CISD2: variants seen among roughly 807,000 people sequenced by gnomAD.
CISD2 encodes CDGSH iron-sulfur domain-containing protein 2.
In CISD2, 1 loss-of-function variant was observed where a neutral mutation model predicts 12.9. The observed-to-expected ratio is 0.08, with a 90% CI of 0.03 to 0.37. The LOEUF is 0.37. Ranked by LOEUF, CISD2 falls within the 10% of genes least tolerant of loss-of-function variation. CISD2 has a pLI of 0.99. For missense variants in CISD2, 97 were observed against 163.1 expected (o/e 0.59, Z 2.21); for synonymous variants, 50 against 60.6 (o/e 0.83, Z 0.81).
chr4:102,878,511 G>A (rs1313570594), intron 1 of CISD2, among the ~76,000 whole-genome samples: 1 of 152,116 alleles, frequency 6.6e-6, no homozygotes, highest in African/African-American at 2.4e-5. Context: ...CCTAAGTTCC[G>A]ATTTCAGGTC....
intron 1 of CISD2, among the ~76,000 whole-genome samples, chr4:102,873,695 C>T (rs1050746573): frequency 2.4e-5 from 3 of 124,022 alleles, no homozygotes; most frequent in Admixed American, 1.0e-4. Context: ...CGTGGCACTA[C>T]ATTCCAGCCT....
At chr4:102,876,122 T>G (rs1733586253) in intron 1 of CISD2, among the ~76,000 whole-genome samples, 1 of 152,200 alleles carries the variant, frequency 6.6e-6, no homozygotes, top group African/African-American at 2.4e-5. Context: ...CTCTGAAATA[T>G]ATACCCTATG....
Position 102,869,076 on chromosome 4 carries a change from C to T in CISD2, c.-9C>T, listed in dbSNP as rs1490041776. 1 of 1,606,580 alleles carries T rather than the reference C, an allele frequency of 6.2e-7. No homozygotes were observed. Among genetic ancestry groups the T allele is most frequent in the Non-Finnish European group, 8.5e-7 (1 of 1,177,168 alleles). On this transcript the variant is annotated 5_prime_UTR_variant, in exon 1 of 3. Coordinates refer to ENST00000273986, the MANE Select transcript of CISD2 (RefSeq NM_001008388.5). Reference sequence around the variant, plus strand: ...GGGCTCGGGAGAGGAGTGGACGCCGCTGGCCAGGATGGTGCTGGAGAGCGT... The same window carrying T: ...GGGCTCGGGAGAGGAGTGGACGCCGTTGGCCAGGATGGTGCTGGAGAGCGT...
intron 1 of CISD2, among the ~76,000 whole-genome samples, chr4:102,882,598 G>T (rs1053741952): frequency 1.3e-5 from 2 of 152,190 alleles, no homozygotes; most frequent in African/African-American, 4.8e-5. Flanking sequence ...TAATGGAAAT[G>T]TTCTCTGTAC....
chr4:102,887,032 G>A (rs1268964365), intron 2 of CISD2, among the ~76,000 whole-genome samples: 2 of 152,146 alleles, frequency 1.3e-5, no homozygotes, highest in South Asian at 2.1e-4. Context: ...AGGTGAGCTC[G>A]AATTTTAAGC....
chr4:102,877,068 G>A (rs1733609985), intron 1 of CISD2, among the ~76,000 whole-genome samples: 1 of 152,264 alleles, frequency 6.6e-6, no homozygotes, highest in South Asian at 2.1e-4. Flanking sequence ...GGGACACAGA[G>A]CCAAGCCATA....
rs964501117 is a variant in CISD2, at chr4:102,887,997, T to C, written c.*567T>C. On this transcript the variant is annotated 3_prime_UTR_variant, in exon 3 of 3. Coordinates refer to ENST00000273986, the MANE Select transcript of CISD2 (RefSeq NM_001008388.5). ...AGTAAACTGGATACAAAAAGTTCCA[T>C]TGAGGAACAGTTATTTACAGTATAA... 2 of 153,572 alleles carry C rather than the reference T, an allele frequency of 1.3e-5. No homozygotes were observed. The highest frequency in any genetic ancestry group is 2.4e-5 in the African/African-American group (1 of 41,458). The allele number at this position is 153,572 out of a possible 1,614,324, so 9.5% of individuals were successfully genotyped here.
intron 1 of CISD2, chr4:102,874,360 G>A (rs1349632428): frequency 6.6e-6 from 1 of 152,162 alleles, no homozygotes; most frequent in African/African-American, 2.4e-5. Flanking sequence ...AAGGGTTGAA[G>A]ACTATTGGGT....
chr4:102,871,829 T>C (rs1260045810), intron 1 of CISD2, among the ~76,000 whole-genome samples: 1 of 152,212 alleles, frequency 6.6e-6, no homozygotes, highest in Non-Finnish European at 1.5e-5. Context: ...AACAATACAG[T>C]TCACATTATT....
intron 1 of CISD2, among the ~76,000 whole-genome samples, chr4:102,872,741 A>C (rs1054672054): frequency 5.3e-5 from 8 of 152,218 alleles, no homozygotes; most frequent in Non-Finnish European, 1.2e-4. Context: ...TGTCATAGCT[A>C]GCCTGTGTCA....
At chr4:102,873,523 C>T (rs778544694) in intron 1 of CISD2, among the ~76,000 whole-genome samples, 1 of 152,096 alleles carries the variant, frequency 6.6e-6, no homozygotes, top group Non-Finnish European at 1.5e-5. Flanking sequence ...TATCCACTCA[C>T]CTCAGCCTCC....
At position 102,869,004 on chromosome 4, in the gene CISD2, C is replaced by A; in HGVS notation, c.-81C>A. On this transcript the variant is annotated 5_prime_UTR_variant, in exon 1 of 3. Transcript: ENST00000273986. The stretch of plus-strand genomic sequence containing the variant: ...GGCCGAGGCCGCCAGTGCCCGCCGG[C>A]CGCTTCCGCTCCCGGCGCAGGCGCG... 6.9e-7 allele frequency: 1 copy of A among 1,449,552 alleles called. No individual in the cohort carries two copies. The highest frequency in any genetic ancestry group is 1.4e-5 in the South Asian group (1 of 72,794). The allele number at this position is 1,449,552 out of a possible 1,614,324, so 89.8% of individuals were successfully genotyped here.
chr4:102,889,420 A>C lies in CISD2; in HGVS notation c.*1990A>C, dbSNP rs758820919. The C allele has an allele frequency of 1.3e-5, 2 of 152,178 alleles. No individual in the cohort carries two copies. The highest frequency in any genetic ancestry group is 2.4e-5 in the African/African-American group (1 of 41,442). 9.4% of individuals were successfully genotyped at this position (152,178 alleles called of 1,614,324 possible). On this transcript the variant is annotated 3_prime_UTR_variant, in exon 3 of 3. Transcript: ENST00000273986. Reference sequence around the variant, plus strand: ...CATGAAATGCTCTTCTTTTTGTAAAATCTATCACTGCATCTCACAGCAACT... The same window carrying C: ...CATGAAATGCTCTTCTTTTTGTAAACTCTATCACTGCATCTCACAGCAACT...
At chr4:102,869,279 G>A (rs527436651) in intron 1 of CISD2, 92 bp downstream of exon 1, 227 of 1,496,842 alleles carry the variant, frequency 1.5e-4, no homozygotes, top group Non-Finnish European at 2.0e-4. Context: ...GGGCGGGACG[G>A]AGCTCGGCGC....
rs993417736 is a variant in CISD2 at position 102,891,571 on chromosome 4, C to T, written c.*4141C>T. On this transcript the variant is annotated 3_prime_UTR_variant, in exon 3 of 3. Coordinates refer to ENST00000273986, the MANE Select transcript of CISD2 (RefSeq NM_001008388.5). The stretch of plus-strand genomic sequence containing the variant: ...TTGCATTTGGTGGTAACAATTTCCC[C>T]TTAGCTATTTAGTTAAAAGCTTAGT... 2 of 152,128 alleles carry T rather than the reference C, an allele frequency of 1.3e-5. No individual in the cohort carries two copies. The highest frequency in any genetic ancestry group is 1.3e-4 in the Admixed American group (2 of 15,276). The allele number at this position is 152,128 out of a possible 1,614,324, so 9.4% of individuals were successfully genotyped here. A position where few individuals can be genotyped will look rare whatever the true frequency, so the allele number is the denominator to read the frequency against.
rs199492699 is a variant in CISD2 at position 102,890,840 on chromosome 4, T to TAAAAAAAAAAAAAAAAA, written c.*3423_*3424insAAAAAAAAAAAAAAAAA. On this transcript the variant is annotated 3_prime_UTR_variant, in exon 3 of 3. Coordinates refer to ENST00000273986, the MANE Select transcript of CISD2 (RefSeq NM_001008388.5). ...GGGCAACAGAAGTGAAACCCTATCTTAAAAAAAAAAAAAGTCTTTTTTTTT... is the reference window on the plus strand; with the variant it reads ...GGGCAACAGAAGTGAAACCCTATCTTAAAAAAAAAAAAAAAAAAAAAAAAAAAAAAGTCTTTTTTTTT... 8 of 76,170 alleles carry TAAAAAAAAAAAAAAAAA rather than the reference T, an allele frequency of 1.1e-4. No homozygotes were observed. Among genetic ancestry groups the TAAAAAAAAAAAAAAAAA allele is most frequent in the African/African-American group, 6.9e-4 (8 of 11,578 alleles). 4.7% of individuals were successfully genotyped at this position (76,170 alleles called of 1,614,324 possible). A position where few individuals can be genotyped will look rare whatever the true frequency, so the allele number is the denominator to read the frequency against.
chr4:102,879,019 T>A (rs1733653651), intron 1 of CISD2, among the ~76,000 whole-genome samples: 1 of 152,140 alleles, frequency 6.6e-6, no homozygotes, highest in Non-Finnish European at 1.5e-5. Context: ...AGGGGCACCT[T>A]TTTCACGAGG....
At position 102,889,213 on chromosome 4, in the gene CISD2, C is replaced by T. The variant is rs1371791158; in HGVS notation, c.*1783C>T. The T allele has an allele frequency of 6.6e-6, 1 of 152,234 alleles. No homozygotes were observed. Among genetic ancestry groups the T allele is most frequent in the Non-Finnish European group, 1.5e-5 (1 of 68,050 alleles). 9.4% of individuals were successfully genotyped at this position (152,234 alleles called of 1,614,324 possible). On this transcript the variant is annotated 3_prime_UTR_variant, in exon 3 of 3. Transcript: ENST00000273986. ...CCAAAATTGTTCTTTCCTCACATGT[C>T]AGTGGGGGATAAATACAGCATTGCT... is the stretch of plus-strand genomic sequence containing the variant.
At chr4:102,877,267 G>C (rs560216162) in intron 1 of CISD2, among the ~76,000 whole-genome samples, 1 of 152,338 alleles carries the variant, frequency 6.6e-6, no homozygotes, top group East Asian at 1.9e-4. Flanking sequence ...ACATAAGTTA[G>C]TTCCTTTTAA....
Sources: allele counts gnomAD v4.1 joint callset (sites outside exome capture counted in the v4.1 genomes callset), GRCh38; gene constraint gnomAD v4.1.1; transcripts MANE v1.5; gene names NCBI Gene and HGNC (gene_info 2026-07-23, HGNC 2026-07-21).